PRKCA: variants seen among roughly 807,000 people sequenced by gnomAD.
PRKCA encodes the protein protein kinase C alpha type.
A neutral mutation model predicts 87.0 loss-of-function variants in PRKCA; 27 were observed. The observed-to-expected ratio is 0.31, with a 90% CI of 0.23 to 0.43. The LOEUF is 0.43. Among genes scored for constraint, PRKCA ranks in the 20% least tolerant of loss-of-function variants. The pLI, the probability that PRKCA is intolerant of heterozygous loss-of-function variation, is 1.00. For synonymous variants in PRKCA, 329 were observed against 311.1 expected (o/e 1.06, Z -0.61); for missense variants, 518 against 852.3 (o/e 0.61, Z 4.88).
chr17:66,692,076 T>TGGGAGGGCTGTGGACTTGGC (rs1972799218), intron 8 of PRKCA, among the ~76,000 whole-genome samples: 1 of 152,172 alleles, frequency 6.6e-6, no homozygotes, highest in Non-Finnish European at 1.5e-5. Flanking sequence ...TTCCTCCTCC[T>TGGGAGGGCTGTGGACTTGGC]GGGAGGGCTG....
At chr17:66,406,584 G>GT (rs1242757426) in intron 2 of PRKCA, among the ~76,000 whole-genome samples, 1 of 21,294 alleles carries the variant, frequency 4.7e-5, no homozygotes, top group Non-Finnish European at 1.6e-4. Flanking sequence ...AGCTTTTCCA[G>GT]GTTTTTTTTT....
intron 2 of PRKCA, among the ~76,000 whole-genome samples, chr17:66,379,930 A>G (rs1436418481): frequency 6.6e-6 from 1 of 152,164 alleles, no homozygotes; most frequent in Non-Finnish European, 1.5e-5. Context: ...AGGATATTGA[A>G]GTATAAAGCT....
chr17:66,620,031 A>C lies in PRKCA; in HGVS notation c.289-21324A>C, dbSNP rs1182564457. The stretch of plus-strand genomic sequence containing the variant: ...CACACCGTCACATGTTCCCTTAAAT[A>C]GCCACAGTGGGGTCATTGGTAACAT... On this transcript the variant is annotated intron_variant, in intron 3 of 16. Transcript: ENST00000413366. 3.9e-5 allele frequency among the ~76,000 whole-genome samples: 6 copies of C among 152,220 alleles called. No homozygotes were observed. In the East Asian group the frequency reaches 1.2e-3, roughly 29 times the overall value.
chr17:66,806,745 A>G lies in PRKCA; in HGVS notation c.*2708A>G, dbSNP rs1976040718. 6.6e-6 allele frequency: 1 copy of G among 152,220 alleles called. No individual in the cohort carries two copies. The highest frequency in any genetic ancestry group is 6.5e-5 in the Admixed American group (1 of 15,282). The allele number at this position is 152,220 out of a possible 1,614,324, so 9.4% of individuals were successfully genotyped here. ...GTTTGTTTCTCTAGGAAACACATTC[A>G]CTGTCTCAGCTGGCTGTTACTCTCT... On this transcript the variant is annotated 3_prime_UTR_variant, in exon 17 of 17. Transcript: ENST00000413366.
chr17:66,759,739 A>C (rs922221111), intron 13 of PRKCA, among the ~76,000 whole-genome samples: 3 of 152,252 alleles, frequency 2.0e-5, no homozygotes, highest in Non-Finnish European at 4.4e-5. Context: ...AGTGGATATA[A>C]AAGATATATC....
chr17:66,498,765 T>G (rs1328538402), intron 3 of PRKCA, among the ~76,000 whole-genome samples: 1 of 152,232 alleles, frequency 6.6e-6, no homozygotes, highest in African/African-American at 2.4e-5. Context: ...TGTGCGTGCG[T>G]ACGCGCATGT....
Position 66,469,926 on chromosome 17 carries a change from G to A in PRKCA, c.206-26275G>A, listed in dbSNP as rs949599704. Among the ~76,000 whole-genome samples the A allele has an allele frequency of 3.3e-4, 50 of 152,172 alleles. 1 individual carries two copies. Among genetic ancestry groups the A allele is most frequent in the Non-Finnish European group, 1.0e-4 (7 of 68,032 alleles). ...AGTATCCACAAACTTAGAGCACTGC[G>A]AAGGAAACAGTTGGGTTAGCGTTTT... On this transcript the variant is annotated intron_variant, in intron 2 of 16. Coordinates refer to ENST00000413366, the MANE Select transcript of PRKCA (RefSeq NM_002737.3).
chr17:66,351,982 G>A (rs1187101712), intron 2 of PRKCA, among the ~76,000 whole-genome samples: 2 of 152,152 alleles, frequency 1.3e-5, no homozygotes, highest in East Asian at 3.9e-4. Context: ...GCAGTGTCAC[G>A]TCGTGAGCAT....
intron 2 of PRKCA, among the ~76,000 whole-genome samples, chr17:66,390,767 C>G (rs557783983): frequency 6.6e-6 from 1 of 152,306 alleles, no homozygotes; most frequent in East Asian, 1.9e-4. Context: ...ATTTGCAAAG[C>G]CATCGGAAGA....
At chr17:66,391,646 A>G (rs966414791) in intron 2 of PRKCA, among the ~76,000 whole-genome samples, 1 of 152,218 alleles carries the variant, frequency 6.6e-6, no homozygotes, top group African/African-American at 2.4e-5. Context: ...ACTTTATTGG[A>G]CAAGCACTGA....
chr17:66,743,381 G>A (rs1028379528), intron 13 of PRKCA, among the ~76,000 whole-genome samples: 1 of 152,222 alleles, frequency 6.6e-6, no homozygotes, highest in Non-Finnish European at 1.5e-5. Flanking sequence ...TACTCTGCCT[G>A]GAAGGCGGGG....
intron 6 of PRKCA, 115 bp from the exon 7 acceptor site, chr17:66,688,179 TTACTGGAC>T (rs1466120167): frequency 4.2e-5 from 55 of 1,300,772 alleles, no homozygotes; most frequent in Non-Finnish European, 1.4e-5. Context: ...GGTTGGTATT[TTACTGGAC>T]CAGGAAGACA....
chr17:66,504,947 C>A (rs997118622), intron 3 of PRKCA, among the ~76,000 whole-genome samples: 5 of 152,246 alleles, frequency 3.3e-5, no homozygotes, highest in Admixed American at 2.6e-4. Flanking sequence ...GTCGGGACCC[C>A]CCTCCCATGA....
chr17:66,393,277 T>C (rs184630860), intron 2 of PRKCA, among the ~76,000 whole-genome samples: 5 of 152,274 alleles, frequency 3.3e-5, no homozygotes, highest in Admixed American at 3.3e-4. Flanking sequence ...AGGAAGATGT[T>C]CAGAAGGCGT....
At chr17:66,676,184 C>A (rs1297994651) in intron 5 of PRKCA, among the ~76,000 whole-genome samples, 1 of 152,244 alleles carries the variant, frequency 6.6e-6, no homozygotes, top group African/African-American at 2.4e-5. Context: ...AAAGTAGAGA[C>A]GCAAACAAAC....
intron 14 of PRKCA, among the ~76,000 whole-genome samples, chr17:66,781,063 C>G (rs935533192): frequency 6.6e-6 from 1 of 152,116 alleles, no homozygotes; most frequent in Non-Finnish European, 1.5e-5. Context: ...GAGCTGAGAT[C>G]GCACCACTGC....
chr17:66,616,929 C>G (rs1033196619), intron 3 of PRKCA, among the ~76,000 whole-genome samples: 1 of 151,180 alleles, frequency 6.6e-6, no homozygotes, highest in African/African-American at 2.4e-5. Context: ...AGCAGGAGCT[C>G]CAGCTTTCCT....
intron 13 of PRKCA, among the ~76,000 whole-genome samples, chr17:66,770,852 T>C (rs1974918024): frequency 6.6e-6 from 1 of 152,128 alleles, no homozygotes; most frequent in African/African-American, 2.4e-5. Context: ...GAGGAGTTCC[T>C]TGCCAAAGGC....
chr17:66,768,321 A>G (rs1374414697), intron 13 of PRKCA, among the ~76,000 whole-genome samples: 1 of 150,542 alleles, frequency 6.6e-6, no homozygotes, highest in Non-Finnish European at 1.5e-5. Flanking sequence ...TCCTGGACTC[A>G]AGTGATCCTC....
Sources: allele counts gnomAD v4.1 joint callset (sites outside exome capture counted in the v4.1 genomes callset), GRCh38; gene constraint gnomAD v4.1.1; transcripts MANE v1.5; gene names NCBI Gene and HGNC (gene_info 2026-07-23, HGNC 2026-07-21).